Variants in RBL1 observed in about 807,000 individuals in gnomAD.
The protein encoded by RBL1 is RB transcriptional corepressor like 1, also known as retinoblastoma-like protein 1.
Under a neutral mutation model 123.0 loss-of-function variants are expected in RBL1, and 82 were observed. The observed-to-expected ratio is 0.67, with a 90% CI of 0.56 to 0.80. The LOEUF (loss-of-function observed/expected upper bound fraction) is 0.80, where lower values mean the gene tolerates loss of function less well. Ranked by LOEUF, RBL1 falls within the 30% of genes least tolerant of loss-of-function variation. The probability of loss-of-function intolerance (pLI) is 0.00; values close to 1 mark genes in which losing one functional copy is unlikely to be tolerated. For synonymous variants in RBL1, 405 were observed against 441.3 expected, an observed-to-expected ratio of 0.92 and a Z score of 1.03; for missense variants, 1,171 against 1,299.6, an observed-to-expected ratio of 0.90 and a Z score of 1.52.
intron 1 of RBL1, among the ~76,000 whole-genome samples, chr20:37,089,792 C>T (rs2065618091): frequency 6.6e-6 from 1 of 152,244 alleles, no homozygotes; most frequent in East Asian, 1.9e-4. Flanking sequence ...ACTTGCCAGG[C>T]GCGGTGGCTC....
chr20:37,054,922 A>G (rs1413474078), intron 11 of RBL1, among the ~76,000 whole-genome samples: 1 of 152,224 alleles, frequency 6.6e-6, no homozygotes, highest in Non-Finnish European at 1.5e-5. Flanking sequence ...AAGACACAGA[A>G]AAGAGAAACC....
intron 19 of RBL1, among the ~76,000 whole-genome samples, chr20:37,011,791 A>C (rs2064152279): frequency 6.6e-6 from 1 of 152,208 alleles, no homozygotes. Context: ...GACTAATGCT[A>C]AAAATGAGCT....
Position 36,997,173 on chromosome 20 carries a change from G to A in RBL1, c.*1586C>T, listed in dbSNP as rs1012035536. ...CAGACACACACTAGAAAAAGTAAACGTTAAAGAGGTGATATTTTGGAAAGC... is the reference window on the plus strand; with the variant it reads ...CAGACACACACTAGAAAAAGTAAACATTAAAGAGGTGATATTTTGGAAAGC... On this transcript the variant is annotated 3_prime_UTR_variant, in exon 22 of 22. Transcript: ENST00000373664. 3.9e-5 allele frequency: 6 copies of A among 152,120 alleles called. No individual in the cohort carries two copies. The highest frequency in any genetic ancestry group is 7.4e-5 in the Non-Finnish European group (5 of 68,006). The allele number at this position is 152,120 out of a possible 1,614,324, so 9.4% of individuals were successfully genotyped here.
intron 19 of RBL1, among the ~76,000 whole-genome samples, chr20:37,017,686 A>G (rs1158191181): frequency 6.8e-6 from 1 of 147,198 alleles, no homozygotes; most frequent in African/African-American, 2.6e-5. Context: ...GCTGGAGTGC[A>G]GTGGCGTGAT....
intron 19 of RBL1, among the ~76,000 whole-genome samples, chr20:37,011,259 T>G (rs1223358572): frequency 1.3e-5 from 2 of 152,188 alleles, no homozygotes; most frequent in African/African-American, 4.8e-5. Context: ...ACAAGTATTC[T>G]AATCAAGACT....
intron 2 of RBL1, among the ~76,000 whole-genome samples, chr20:37,075,106 C>T (rs2065343411): frequency 6.6e-6 from 1 of 152,174 alleles, no homozygotes; most frequent in African/African-American, 2.4e-5. Context: ...GAAGCCAACA[C>T]AGAAGACCAC....
chr20:37,067,307 GA>G lies in RBL1; in HGVS notation c.492-11del. 1.3e-6 allele frequency: 2 copies of G among 1,581,824 alleles called. No individual in the cohort carries two copies. Among genetic ancestry groups the G allele is most frequent in the African/African-American group, 1.4e-5 (1 of 73,176 alleles). ...ACTGCAAGGAATCCTCCTAAAAAGG[GA>G]AAAAAATTACTTTTTGTCTGACTAG... On this transcript the variant is annotated splice_polypyrimidine_tract_variant and intron_variant, in intron 3 of 21. Transcript: ENST00000373664.
At chr20:37,003,482 C>T (rs777367050) in intron 21 of RBL1, 29 of 947,202 alleles carry the variant, frequency 3.1e-5, no homozygotes, top group Non-Finnish European at 3.7e-5. Context: ...ACATGCTGGA[C>T]TTTCAAAGTG....
chr20:37,032,765 G>A lies in RBL1; in HGVS notation c.2282C>T (p.Ala761Val). ...VSLTAHSLIG[A>V]SPKQTNLTKA... ...AGTCAGATTGGTCTGTTTTGGAGAAGCACCAATTAATGAATGAGCAGTAAG... is the reference window on the plus strand; with the variant it reads ...AGTCAGATTGGTCTGTTTTGGAGAAACACCAATTAATGAATGAGCAGTAAG... Residue 761 changes from alanine to valine, a missense_variant, in exon 16 of 22, where the codon GCT (alanine) becomes GTT (valine). Ala to Val is a moderately conservative substitution (Grantham distance 64, BLOSUM62 0). Transcript: ENST00000373664. 1 of 1,614,010 alleles carries A rather than the reference G, an allele frequency of 6.2e-7. No individual in the cohort carries two copies. Among genetic ancestry groups the A allele is most frequent in the African/African-American group, 1.3e-5 (1 of 75,016 alleles).
intron 9 of RBL1, among the ~76,000 whole-genome samples, chr20:37,058,056 C>T (rs1032370302): frequency 2.1e-5 from 3 of 144,200 alleles, no homozygotes; most frequent in Non-Finnish European, 3.0e-5. Flanking sequence ...ACCTGGGAGG[C>T]GAAGGCTGCA....
intron 12 of RBL1, among the ~76,000 whole-genome samples, chr20:37,046,053 T>C (rs148547609): frequency 2.6e-5 from 4 of 152,348 alleles, no homozygotes; most frequent in African/African-American, 7.2e-5. Flanking sequence ...ACCTCTGTTT[T>C]ATTTTGAAAA....
chr20:37,071,425 G>A (rs568167366), intron 2 of RBL1, among the ~76,000 whole-genome samples: 7 of 152,228 alleles, frequency 4.6e-5, no homozygotes, highest in Non-Finnish European at 8.8e-5. Context: ...GGAGGGTGAG[G>A]CTGGAGGATC....
chr20:37,011,857 T>C (rs1172499187), intron 19 of RBL1, among the ~76,000 whole-genome samples: 2 of 152,144 alleles, frequency 1.3e-5, no homozygotes, highest in African/African-American at 4.8e-5. Context: ...AATATTTGAC[T>C]CCCTCTCCCA....
At chr20:37,013,573 A>C (rs190519265) in intron 19 of RBL1, among the ~76,000 whole-genome samples, 1 of 146,098 alleles carries the variant, frequency 6.8e-6, no homozygotes, top group Non-Finnish European at 1.5e-5. Context: ...AGAAACACCC[A>C]AGAATGATCA....
chr20:37,022,697 T>G lies in RBL1; in HGVS notation c.2512A>C (p.Arg838=). ...LVHCPDLMKD[R]HLDQLLLCAF... ...CAAAGGAGGAGCTGATCCAAATGCC[T>G]GTCTTTCATTAGATCAGGACAGTGA... The change falls in exon 17 of 22, where the codon AGG becomes CGG. Residue 838 remains arginine, a synonymous_variant. Transcript: ENST00000373664. 6.2e-7 allele frequency: 1 copy of G among 1,613,394 alleles called. No individual in the cohort carries two copies. The highest frequency in any genetic ancestry group is 8.5e-7 in the Non-Finnish European group (1 of 1,179,680).
At chr20:37,001,004 G>A (rs866317946) in intron 21 of RBL1, among the ~76,000 whole-genome samples, 8 of 121,596 alleles carry the variant, frequency 6.6e-5, no homozygotes, top group Middle Eastern at 7.2e-3. Flanking sequence ...CTGGCCAGCC[G>A]CCCCATCCGG....
intron 21 of RBL1, among the ~76,000 whole-genome samples, chr20:36,999,329 G>A (rs1311953483): frequency 6.7e-6 from 1 of 149,796 alleles, no homozygotes. Flanking sequence ...CTGAGCCTGG[G>A]GAGGTTGAAG....
At chr20:37,080,257 A>C (rs1199250857) in intron 2 of RBL1, among the ~76,000 whole-genome samples, 2 of 151,336 alleles carry the variant, frequency 1.3e-5, no homozygotes, top group Non-Finnish European at 2.9e-5. Flanking sequence ...ACTGGGTTCA[A>C]GCAATTTTCC....
rs140616816 is a variant in RBL1, at chr20:37,076,615, C to A, written c.291-8429G>T. Among the ~76,000 whole-genome samples, 172 of 152,290 alleles carry A rather than the reference C, an allele frequency of 1.1e-3. 7 individuals are homozygous for A. The East Asian group carries it at 0.026, about 23-fold the overall frequency. On this transcript the variant is annotated intron_variant, in intron 2 of 21. Coordinates refer to ENST00000373664, the MANE Select transcript of RBL1 (RefSeq NM_002895.5). ...TTAAAACTTAAAATTGTTTATTTCT[C>A]GAATTTTCCATTTAATATTTTCAAA...
Sources: allele counts gnomAD v4.1 joint callset (sites outside exome capture counted in the v4.1 genomes callset), GRCh38; gene constraint gnomAD v4.1.1; transcripts MANE v1.5; gene names NCBI Gene and HGNC (gene_info 2026-07-23, HGNC 2026-07-21).